Variants in SDK1 observed in about 807,000 individuals in gnomAD.
SDK1 encodes the protein sidekick cell adhesion molecule 1, also known as protein sidekick-1.
A neutral mutation model predicts 245.5 loss-of-function variants in SDK1; 157 were observed. That is an observed-to-expected ratio of 0.64 (90% CI 0.56 to 0.73). The LOEUF is 0.73. Ranked by LOEUF, SDK1 falls within the 30% of genes least tolerant of loss-of-function variation. The pLI is 0.00. For missense variants in SDK1, 3,583 were observed against 3,002.3 expected, an observed-to-expected ratio of 1.19 and a Z score of -4.52; for synonymous variants, 1,647 against 1,278.5, an observed-to-expected ratio of 1.29 and a Z score of -6.15.
intron 1 of SDK1, among the ~76,000 whole-genome samples, chr7:3,449,195 T>C (rs1284535375): frequency 6.6e-6 from 1 of 152,212 alleles, no homozygotes; most frequent in African/African-American, 2.4e-5. Flanking sequence ...GTTTTGGGGC[T>C]AGGGGTGCCT....
chr7:3,622,953 A>T (rs989544956), intron 2 of SDK1, among the ~76,000 whole-genome samples: 1 of 152,094 alleles, frequency 6.6e-6, no homozygotes, highest in Non-Finnish European at 1.5e-5. Context: ...TATTTTTTCA[A>T]ATTACTCTTT....
intron 5 of SDK1, among the ~76,000 whole-genome samples, chr7:3,919,590 T>C (rs1779517136): frequency 6.6e-6 from 1 of 152,136 alleles, no homozygotes; most frequent in Non-Finnish European, 1.5e-5. Context: ...TTGACCAAAA[T>C]CTTACCACGT....
intron 1 of SDK1, among the ~76,000 whole-genome samples, chr7:3,399,474 A>G (rs1157206283): frequency 6.6e-6 from 1 of 152,054 alleles, no homozygotes; most frequent in Non-Finnish European, 1.5e-5. Flanking sequence ...TGGTCTGTAC[A>G]TTCCTATATC....
In SDK1 at chr7:4,267,382, T is replaced by C. The variant is rs972463579; in HGVS notation, c.*1998T>C. 1.7e-5 allele frequency: 17 copies of C among 984,916 alleles called. No individual in the cohort carries two copies. In the South Asian group the frequency reaches 6.1e-4, roughly 35 times the overall value. The allele number at this position is 984,916 out of a possible 1,614,324, so 61.0% of individuals were successfully genotyped here. The stretch of plus-strand genomic sequence containing the variant: ...CTTTTTCTGAGTGGAGGGGGAAATA[T>C]TCTAAACCAAAAATCCTAGATGCTC... On this transcript the variant is annotated 3_prime_UTR_variant, in exon 45 of 45. Transcript: ENST00000404826.
intron 1 of SDK1, among the ~76,000 whole-genome samples, chr7:3,591,132 G>T (rs1780860236): frequency 1.3e-5 from 2 of 152,122 alleles, no homozygotes; most frequent in Admixed American, 1.3e-4. Context: ...TAACTTTAAG[G>T]TTGTGATACT....
chr7:3,476,350 A>C (rs1436006781), intron 1 of SDK1, among the ~76,000 whole-genome samples: 1 of 152,210 alleles, frequency 6.6e-6, no homozygotes, highest in Non-Finnish European at 1.5e-5. Context: ...TCCTGGTCGC[A>C]TCTAACACTA....
At chr7:4,260,119 G>A (rs1024403807) in intron 44 of SDK1, among the ~76,000 whole-genome samples, 8 of 151,598 alleles carry the variant, frequency 5.3e-5, no homozygotes, top group Admixed American at 1.3e-4. Context: ...TGTGTTCATC[G>A]TCACCTGATG....
chr7:3,385,627 T>G lies in SDK1; in HGVS notation c.298+83743T>G, dbSNP rs568598487. ...ATTTCTTTCCATCTTATTTCAGCTCTCAGTCAACCTCTCACTTCCCTGCCC... is the reference window on the plus strand; with the variant it reads ...ATTTCTTTCCATCTTATTTCAGCTCGCAGTCAACCTCTCACTTCCCTGCCC... On this transcript the variant is annotated intron_variant, in intron 1 of 44. Transcript: ENST00000404826. Among the ~76,000 whole-genome samples, 17 of 152,284 alleles carry G rather than the reference T, an allele frequency of 1.1e-4. No individual in the cohort carries two copies. In the South Asian group the frequency reaches 2.9e-3, roughly 26 times the overall value.
At position 4,026,629 on chromosome 7, in the gene SDK1, TA is replaced by T. The variant is rs1787368195; in HGVS notation, c.2602+9280del. Among the ~76,000 whole-genome samples the T allele has an allele frequency of 6.6e-6, 1 of 152,226 alleles. No individual in the cohort carries two copies. Among genetic ancestry groups the T allele is most frequent in the African/African-American group, 2.4e-5 (1 of 41,464 alleles). On this transcript the variant is annotated intron_variant, in intron 17 of 44. Coordinates refer to ENST00000404826, the MANE Select transcript of SDK1 (RefSeq NM_152744.4). The surrounding 1 kb of genome is among the most constrained non-coding windows in gnomAD (Gnocchi z 4.1). ...GGAACACACAAAACTTTTTAAGTGT[TA>T]AAGTATTTTCTTCTGAAGGCCATCA... is the stretch of plus-strand genomic sequence containing the variant.
chr7:3,385,306 T>C (rs1781583640), intron 1 of SDK1, among the ~76,000 whole-genome samples: 1 of 152,214 alleles, frequency 6.6e-6, no homozygotes, highest in Non-Finnish European at 1.5e-5. Flanking sequence ...GAATGTATTA[T>C]CCTGATACAG....
At chr7:4,171,665 G>A (rs1027289707) in intron 32 of SDK1, among the ~76,000 whole-genome samples, 4 of 152,196 alleles carry the variant, frequency 2.6e-5, no homozygotes, top group African/African-American at 9.7e-5. Flanking sequence ...GGTGGCCAGT[G>A]AAGGGTAAAG....
intron 4 of SDK1, among the ~76,000 whole-genome samples, chr7:3,692,451 CAGAG>C (rs1014957490): frequency 6.6e-6 from 1 of 152,164 alleles, no homozygotes; most frequent in Middle Eastern, 3.4e-3. Flanking sequence ...GATCATTAAA[CAGAG>C]AGGATTTCTT....
intron 1 of SDK1, among the ~76,000 whole-genome samples, chr7:3,435,726 A>G (rs548578035): frequency 1.3e-5 from 2 of 152,154 alleles, no homozygotes; most frequent in Non-Finnish European, 1.5e-5. Context: ...TGCCCCACCT[A>G]AGTCCAACTC....
chr7:3,834,152 G>A (rs189935197), intron 5 of SDK1, among the ~76,000 whole-genome samples: 5 of 152,316 alleles, frequency 3.3e-5, no homozygotes, highest in African/African-American at 1.2e-4. Flanking sequence ...TTGGCTTTTA[G>A]AGTCTCTGTC....
intron 1 of SDK1, among the ~76,000 whole-genome samples, chr7:3,365,160 T>C (rs1274595542): frequency 6.6e-6 from 1 of 152,180 alleles, no homozygotes; most frequent in Non-Finnish European, 1.5e-5. Flanking sequence ...CCATTGAACA[T>C]GGAGAGGGCA....
rs971804596 is a variant in SDK1, at chr7:3,432,511, T to C, written c.298+130627T>C. Among the ~76,000 whole-genome samples, 7 of 152,278 alleles carry C rather than the reference T, an allele frequency of 4.6e-5. No individual in the cohort carries two copies. In the South Asian group the frequency reaches 1.2e-3, roughly 27 times the overall value. ...GGATTAATGTAGTAGGAAGAAATAGTAGTTTGTTATATATTCATGTTGAAT... is the reference window on the plus strand; with the variant it reads ...GGATTAATGTAGTAGGAAGAAATAGCAGTTTGTTATATATTCATGTTGAAT... On this transcript the variant is annotated intron_variant, in intron 1 of 44. Transcript: ENST00000404826.
chr7:4,029,214 CTT>C (rs532321663), intron 17 of SDK1, among the ~76,000 whole-genome samples: 2 of 98,434 alleles, frequency 2.0e-5, no homozygotes, highest in Non-Finnish European at 3.7e-5. Flanking sequence ...TTTATTCTTT[CTT>C]TTTTTTTTTT....
At chr7:3,568,168 C>G (rs187838882) in intron 1 of SDK1, among the ~76,000 whole-genome samples, 93 of 152,250 alleles carry the variant, frequency 6.1e-4, no homozygotes, top group African/African-American at 1.3e-3. Flanking sequence ...TTGTTTGAAC[C>G]AGTGTCATTA....
intron 44 of SDK1, among the ~76,000 whole-genome samples, chr7:4,246,485 T>C (rs1786869265): frequency 6.6e-6 from 1 of 152,032 alleles, no homozygotes; most frequent in Non-Finnish European, 1.5e-5. Context: ...CCAGTTAGGG[T>C]GGCAGCGGGT....
Sources: gnomAD v4.1 joint callset for allele counts (sites outside exome capture counted in the v4.1 genomes callset) on GRCh38, gnomAD v4.1.1 for gene constraint, Gnocchi (gnomAD v3.1) non-coding constraint, MANE v1.5 for transcripts, NCBI Gene and HGNC (gene_info 2026-07-23, HGNC 2026-07-21) for gene names.